Variants in LINGO2 observed in about 807,000 individuals in gnomAD.
LINGO2 encodes leucine rich repeat and Ig domain containing 2, also known as leucine-rich repeat and immunoglobulin-like domain-containing nogo receptor-interacting protein 2.
Under a neutral mutation model 30.6 loss-of-function variants are expected in LINGO2, and 14 were observed. The observed-to-expected ratio is 0.46, with a 90% confidence interval of 0.30 to 0.72. LINGO2 has a LOEUF of 0.72. LINGO2 is among the 30% of genes least tolerant of loss of function. The pLI is 0.07. For missense variants in LINGO2, 729 were observed against 751.7 expected, an observed-to-expected ratio of 0.97 and a Z score of 0.35; for synonymous variants, 317 against 288.5, an observed-to-expected ratio of 1.10 and a Z score of -1.00.
the LINGO2 span, among the ~76,000 whole-genome samples, chr9:28,781,192 T>C: frequency 7.2e-5 from 11 of 152,182 alleles, no homozygotes; most frequent in African/African-American, 2.4e-4. Context: ...AACCAATTTG[T>C]TTCTCTTGAT....
intron 4 of LINGO2, among the ~76,000 whole-genome samples, chr9:28,185,326 T>A (rs1819503229): frequency 2.0e-5 from 3 of 152,158 alleles, no homozygotes; most frequent in Admixed American, 6.5e-5. Context: ...TACTTTACTA[T>A]TGTAATAAAT....
At chr9:28,761,863 T>C in the LINGO2 span, among the ~76,000 whole-genome samples, 1 of 152,042 alleles carries the variant, frequency 6.6e-6, no homozygotes, top group Non-Finnish European at 1.5e-5. Context: ...TAATTTTGTT[T>C]ATCTTGAAAA....
At chr9:28,550,946 A>G (rs924583315) in intron 1 of LINGO2, among the ~76,000 whole-genome samples, 1 of 151,870 alleles carries the variant, frequency 6.6e-6, no homozygotes, top group African/African-American at 2.4e-5. Flanking sequence ...CCAAATCAGT[A>G]GTTACTTATG....
At chr9:28,474,871 T>C (rs1432327309) in intron 2 of LINGO2, among the ~76,000 whole-genome samples, 1 of 152,116 alleles carries the variant, frequency 6.6e-6, no homozygotes, top group African/African-American at 2.4e-5. Context: ...GTATGAAAAA[T>C]GTTATATAAA....
At chr9:27,958,381 G>A (rs78547242) in intron 5 of LINGO2, among the ~76,000 whole-genome samples, 6 of 151,812 alleles carry the variant, frequency 4.0e-5, no homozygotes, top group Admixed American at 6.6e-5. Flanking sequence ...TTTCTACTTC[G>A]TGAGAATTTT....
the LINGO2 span, among the ~76,000 whole-genome samples, chr9:29,127,289 G>C: frequency 1.5e-3 from 226 of 152,066 alleles, 2 homozygotes; most frequent in African/African-American, 5.1e-3. Context: ...CCAATTCTTT[G>C]TTCAAAATAC....
At chr9:28,016,803 A>G (rs1366962461) in intron 4 of LINGO2, among the ~76,000 whole-genome samples, 2 of 151,920 alleles carry the variant, frequency 1.3e-5, no homozygotes, top group Non-Finnish European at 2.9e-5. Context: ...AATAGTCCAA[A>G]AAATTGAGGA....
At chr9:28,496,920 C>G (rs1480215159) in intron 1 of LINGO2, among the ~76,000 whole-genome samples, 1 of 152,164 alleles carries the variant, frequency 6.6e-6, no homozygotes, top group African/African-American at 2.4e-5. Flanking sequence ...TCTTAAGAAG[C>G]TTAGTTTGGC....
chr9:28,857,051 G>A, the LINGO2 span, among the ~76,000 whole-genome samples: 1 of 151,934 alleles, frequency 6.6e-6, no homozygotes, highest in African/African-American at 2.4e-5. Context: ...GAATTCAAGG[G>A]AAGTGACTCT....
the LINGO2 span, among the ~76,000 whole-genome samples, chr9:28,995,562 C>T: frequency 6.6e-6 from 1 of 152,166 alleles, no homozygotes; most frequent in African/African-American, 2.4e-5. Context: ...TGTAAAGACA[C>T]ATGCGCACGT....
chr9:28,589,452 G>C (rs1824750127), intron 1 of LINGO2, among the ~76,000 whole-genome samples: 1 of 152,076 alleles, frequency 6.6e-6, no homozygotes, highest in African/African-American at 2.4e-5. Context: ...CTTCAGCAAA[G>C]TCTCAGGATA....
intron 5 of LINGO2, among the ~76,000 whole-genome samples, chr9:28,000,153 A>T (rs1306736491): frequency 6.6e-6 from 1 of 152,218 alleles, no homozygotes; most frequent in African/African-American, 2.4e-5. Context: ...TTCACCGAAG[A>T]AGCTCTATGG....
At chr9:28,823,501 C>T in the LINGO2 span, among the ~76,000 whole-genome samples, 1 of 152,278 alleles carries the variant, frequency 6.6e-6, no homozygotes, top group East Asian at 1.9e-4. Context: ...CTGGGTTGGC[C>T]TTTGTGACTG....
At chr9:28,336,857 A>C (rs1825606956) in intron 3 of LINGO2, among the ~76,000 whole-genome samples, 2 of 151,704 alleles carry the variant, frequency 1.3e-5, no homozygotes, top group African/African-American at 2.4e-5. Context: ...TTACTAGAAT[A>C]CTTTTTTTAA....
chr9:28,967,625 T>A, the LINGO2 span, among the ~76,000 whole-genome samples: 1 of 152,172 alleles, frequency 6.6e-6, no homozygotes, highest in Non-Finnish European at 1.5e-5. Context: ...TTTTATCACC[T>A]TTTATTCCCC....
intron 3 of LINGO2, among the ~76,000 whole-genome samples, chr9:28,315,023 A>G (rs1824788096): frequency 6.6e-6 from 1 of 151,860 alleles, no homozygotes; most frequent in Admixed American, 6.6e-5. Context: ...AAAAAAAAAA[A>G]AAGAAACAAA....
chr9:27,989,857 T>G (rs572996927), intron 5 of LINGO2, among the ~76,000 whole-genome samples: 2 of 152,082 alleles, frequency 1.3e-5, no homozygotes, highest in East Asian at 3.9e-4. Context: ...AAACTCAGGT[T>G]TTATGATTTC....
chr9:28,241,428 T>A (rs1246194225), intron 4 of LINGO2, among the ~76,000 whole-genome samples: 2 of 152,102 alleles, frequency 1.3e-5, no homozygotes. Context: ...GTATCAGGGT[T>A]CTGTCATTAG....
the LINGO2 span, among the ~76,000 whole-genome samples, chr9:28,840,019 T>G: frequency 6.7e-6 from 1 of 149,420 alleles, no homozygotes; most frequent in Non-Finnish European, 1.5e-5. Context: ...CACACCCAAC[T>G]GGGTTGCAAT....
Sources: allele counts gnomAD v4.1 joint callset (sites outside exome capture counted in the v4.1 genomes callset), GRCh38; gene constraint gnomAD v4.1.1; transcripts MANE v1.5; gene names NCBI Gene and HGNC (gene_info 2026-07-23, HGNC 2026-07-21).